Variants in SUMF1 observed in about 807,000 individuals in gnomAD.
SUMF1 encodes sulfatase modifying factor 1, also known as formylglycine-generating enzyme.
A neutral mutation model predicts 47.6 loss-of-function variants in SUMF1; 48 were observed. The ratio of observed to expected loss-of-function variants is 1.01; its 90% CI spans 0.80 to 1.28. The LOEUF (loss-of-function observed/expected upper bound fraction) is 1.28, where lower values mean the gene tolerates loss of function less well. SUMF1 is among the 50% of genes most tolerant of loss of function. The pLI, the probability that SUMF1 is intolerant of heterozygous loss-of-function variation, is 0.00. For synonymous variants in SUMF1, 230 were observed against 192.1 expected (o/e 1.20, Z -1.63); for missense variants, 571 against 485.4 (o/e 1.18, Z -1.66).
intron 8 of SUMF1, among the ~76,000 whole-genome samples, chr3:4,161,776 C>G (rs1401195583): frequency 6.6e-6 from 1 of 152,064 alleles, no homozygotes; most frequent in Non-Finnish European, 1.5e-5. Context: ...TCCCTCAAAG[C>G]CTATTTGGTG....
chr3:4,348,485 C>A (rs1699418879), intron 8 of SUMF1, among the ~76,000 whole-genome samples: 1 of 152,130 alleles, frequency 6.6e-6, no homozygotes, highest in Non-Finnish European at 1.5e-5. Context: ...ATGCAGAAAA[C>A]TGAAAGTGGA....
chr3:4,288,641 T>C (rs1414598077), intron 8 of SUMF1, among the ~76,000 whole-genome samples: 2 of 151,920 alleles, frequency 1.3e-5, no homozygotes, highest in African/African-American at 2.4e-5. Flanking sequence ...CTACCAAAAA[T>C]ACAAAAATTA....
chr3:4,191,380 T>C (rs1297746121), intron 8 of SUMF1, among the ~76,000 whole-genome samples: 1 of 152,142 alleles, frequency 6.6e-6, no homozygotes, highest in African/African-American at 2.4e-5. Flanking sequence ...AGGCAAAGTC[T>C]AGCAAGCCTG....
chr3:4,160,493 G>A (rs1462655616), intron 8 of SUMF1, among the ~76,000 whole-genome samples: 1 of 151,940 alleles, frequency 6.6e-6, no homozygotes, highest in Admixed American at 6.6e-5. Context: ...GCCCGCTTTG[G>A]TCCATTCTCT....
At chr3:4,218,771 G>A (rs1695997523) in intron 8 of SUMF1, among the ~76,000 whole-genome samples, 1 of 152,102 alleles carries the variant, frequency 6.6e-6, no homozygotes, top group African/African-American at 2.4e-5. Flanking sequence ...TAACTATGAC[G>A]CCTTCAGAGA....
intron 8 of SUMF1, among the ~76,000 whole-genome samples, chr3:4,140,182 A>G (rs1044571923): frequency 2.6e-5 from 4 of 152,086 alleles, no homozygotes; most frequent in African/African-American, 4.8e-5. Flanking sequence ...GATACCTGGG[A>G]TAGAATTTAT....
chr3:4,298,415 G>A (rs1472373414), intron 8 of SUMF1, among the ~76,000 whole-genome samples: 1 of 152,084 alleles, frequency 6.6e-6, no homozygotes, highest in Admixed American at 6.6e-5. Context: ...CTGCCAGCAA[G>A]ATAAAAACAA....
chr3:4,136,264 G>T (rs1247223989), intron 8 of SUMF1, among the ~76,000 whole-genome samples: 1 of 152,096 alleles, frequency 6.6e-6, no homozygotes, highest in African/African-American at 2.4e-5. Flanking sequence ...CATGGTACTG[G>T]TACCAAAACA....
At chr3:4,169,494 C>T (rs1266541085) in intron 8 of SUMF1, among the ~76,000 whole-genome samples, 1 of 152,110 alleles carries the variant, frequency 6.6e-6, no homozygotes, top group Non-Finnish European at 1.5e-5. Flanking sequence ...GCCAACAACA[C>T]CAGAATCCCA....
At chr3:4,114,017 G>A (rs934014547) in intron 8 of SUMF1, among the ~76,000 whole-genome samples, 1 of 151,992 alleles carries the variant, frequency 6.6e-6, no homozygotes, top group African/African-American at 2.4e-5. Context: ...CTGATTGGAC[G>A]TTTCTGAGAT....
rs7639208 is a variant in SUMF1, at chr3:4,406,060, G to T, written c.954+4805C>A. Among the ~76,000 whole-genome samples the T allele has an allele frequency of 4.1e-3, 612 of 150,302 alleles. 3 individuals are homozygous for T. The highest frequency in any genetic ancestry group is 5.4e-3 in the Non-Finnish European group (363 of 67,658). On this transcript the variant is annotated intron_variant, in intron 7 of 8. Transcript: ENST00000272902. ...TTCCCTGCCTCGCCCCACACCGCCC[G>T]CCCCATGCTTCTAAAGGCCAGCGTT...
In SUMF1 at chr3:4,254,018, A is replaced by C. The variant is rs313665; in HGVS notation, c.1014+122312T>G. ...GCAAGGGCACACTGACACCACACACAGCAGGGTATTCCAACAGACCTGCAG... is the reference window on the plus strand; with the variant it reads ...GCAAGGGCACACTGACACCACACACCGCAGGGTATTCCAACAGACCTGCAG... On this transcript the variant is annotated intron_variant and NMD_transcript_variant, in intron 8 of 12. Coordinates refer to the SUMF1 transcript ENST00000448413. Among the ~76,000 whole-genome samples, 191 of 150,208 alleles carry C rather than the reference A, an allele frequency of 1.3e-3. 5 individuals carry two copies. In the East Asian group the frequency reaches 0.035, roughly 27 times the overall value.
At chr3:4,164,091 C>T (rs1468510526) in intron 8 of SUMF1, among the ~76,000 whole-genome samples, 1 of 152,160 alleles carries the variant, frequency 6.6e-6, no homozygotes, top group Non-Finnish European at 1.5e-5. Context: ...ATAGCTCCAG[C>T]TTTGGCTAAT....
intron 9 of SUMF1, among the ~76,000 whole-genome samples, chr3:4,066,310 C>T (rs927124009): frequency 2.0e-5 from 3 of 151,976 alleles, no homozygotes; most frequent in Admixed American, 6.6e-5. Context: ...TTTCATAAAA[C>T]GATCTTTTTT....
chr3:4,206,833 T>A (rs1020521150), intron 8 of SUMF1, among the ~76,000 whole-genome samples: 1 of 152,116 alleles, frequency 6.6e-6, no homozygotes. Context: ...TTTTGTTTAT[T>A]CTAGGTACTC....
chr3:4,103,357 C>G (rs1282842697), intron 8 of SUMF1, among the ~76,000 whole-genome samples: 1 of 152,014 alleles, frequency 6.6e-6, no homozygotes, highest in East Asian at 1.9e-4. Flanking sequence ...TATAACCACA[C>G]AGTCTAGTAC....
chr3:4,272,369 C>A (rs1697322000), intron 8 of SUMF1, among the ~76,000 whole-genome samples: 1 of 152,146 alleles, frequency 6.6e-6, no homozygotes, highest in Non-Finnish European at 1.5e-5. Context: ...CTGGCTGGAC[C>A]TTCGGAATTG....
intron 3 of SUMF1, among the ~76,000 whole-genome samples, chr3:4,432,581 T>G (rs1559296411): frequency 6.6e-6 from 1 of 152,156 alleles, no homozygotes; most frequent in Non-Finnish European, 1.5e-5. Flanking sequence ...CCTTGCTCAT[T>G]GTTTAGATTT....
chr3:4,387,731 T>C (rs757175298), intron 7 of SUMF1, among the ~76,000 whole-genome samples: 3 of 152,054 alleles, frequency 2.0e-5, no homozygotes, highest in Non-Finnish European at 4.4e-5. Context: ...ATTTCCCTCT[T>C]AGCACTGTTT....
Sources: allele counts gnomAD v4.1 joint callset (sites outside exome capture counted in the v4.1 genomes callset), GRCh38; gene constraint gnomAD v4.1.1; transcripts MANE v1.5; gene names NCBI Gene and HGNC (gene_info 2026-07-23, HGNC 2026-07-21).